The following GRM1 variants were observed in gnomAD, a reference collection of about 807,000 sequenced individuals.
GRM1 encodes glutamate metabotropic receptor 1, also known as metabotropic glutamate receptor 1.
In GRM1, 33 loss-of-function variants were observed where a neutral mutation model predicts 90.9. That is an observed-to-expected ratio of 0.36 (90% CI 0.28 to 0.49). The LOEUF is 0.49. Among genes scored for constraint, GRM1 ranks in the 20% least tolerant of loss-of-function variants. The pLI is 0.99. For missense variants in GRM1, 1,190 were observed against 1,534.3 expected (o/e 0.78, Z 3.75); for synonymous variants, 700 against 613.2 (o/e 1.14, Z -2.09).
At chr6:146,325,581 A>G (rs1784374230) in intron 3 of GRM1, among the ~76,000 whole-genome samples, 1 of 152,184 alleles carries the variant, frequency 6.6e-6, no homozygotes, top group South Asian at 2.1e-4. Flanking sequence ...TTCCAAGTCT[A>G]CATGTGCAGA....
intron 5 of GRM1, among the ~76,000 whole-genome samples, chr6:146,382,929 T>C (rs1776369644): frequency 6.6e-6 from 1 of 152,098 alleles, no homozygotes; most frequent in Admixed American, 6.6e-5. Flanking sequence ...CATCTTACTC[T>C]GGAGTGAGAA....
intron 1 of GRM1, among the ~76,000 whole-genome samples, chr6:146,044,507 C>G (rs186727868): frequency 3.5e-4 from 53 of 151,964 alleles, no homozygotes; most frequent in Admixed American, 1.8e-3. Flanking sequence ...ACTTGGGAAA[C>G]CGAGCTTGAT....
At chr6:146,336,115 G>C (rs941901) in intron 3 of GRM1, among the ~76,000 whole-genome samples, 57,475 of 152,050 alleles carry the variant, frequency 0.38, 15,007 homozygotes, top group African/African-American at 0.75. Flanking sequence ...GTCTCTATAG[G>C]AGCTTAAGAA....
rs747570115 is a variant in GRM1, at chr6:146,029,994, G to C, written c.477G>C (p.Val159=). 2 of 1,614,166 alleles carry C rather than the reference G, an allele frequency of 1.2e-6. No individual in the cohort carries two copies. The highest frequency in any genetic ancestry group is 1.7e-6 in the Non-Finnish European group (2 of 1,180,036). ...GGACTAAGAAGCCCATTGCGGGAGTGATCGGTCCCGGCTCCAGCTCTGTAG... is the reference window on the plus strand; with the variant it reads ...GGACTAAGAAGCCCATTGCGGGAGTCATCGGTCCCGGCTCCAGCTCTGTAG... ...PGRTKKPIAG[V]IGPGSSSVAI... is the part of the protein sequence containing the mutation. The change falls in exon 1 of 8, where the codon GTG becomes GTC. Residue 159 remains valine (V), a synonymous_variant. Transcript: ENST00000282753.
In GRM1 at chr6:146,386,598, A is replaced by G. The variant is rs181116187; in HGVS notation, c.1603-292A>G. Among the ~76,000 whole-genome samples, 3 of 152,168 alleles carry G rather than the reference A, an allele frequency of 2.0e-5. No homozygotes were observed. The East Asian group carries it at 5.8e-4, about 29-fold the overall frequency. On this transcript the variant is annotated intron_variant, in intron 5 of 7. Coordinates refer to ENST00000282753, the MANE Select transcript of GRM1 (RefSeq NM_001278064.2). Reference sequence around the variant, plus strand: ...AAATATTAATATAAACAAGGATTAAATTAAACTGTTTCATTTTTAACTCTG... The same window carrying G: ...AAATATTAATATAAACAAGGATTAAGTTAAACTGTTTCATTTTTAACTCTG...
intron 1 of GRM1, among the ~76,000 whole-genome samples, chr6:146,082,289 G>A (rs189703650): frequency 1.3e-5 from 2 of 152,162 alleles, no homozygotes; most frequent in Admixed American, 1.3e-4. Context: ...CCATGTGGCT[G>A]GGATTACAGG....
chr6:146,090,756 G>A (rs1004478714), intron 1 of GRM1, among the ~76,000 whole-genome samples: 1 of 151,980 alleles, frequency 6.6e-6, no homozygotes, highest in African/African-American at 2.4e-5. Context: ...TCCAAACCCA[G>A]GTGGCTTAAG....
At chr6:146,176,923 T>TAC (rs1778359275) in intron 2 of GRM1, among the ~76,000 whole-genome samples, 1 of 152,112 alleles carries the variant, frequency 6.6e-6, no homozygotes, top group Admixed American at 6.5e-5. Flanking sequence ...TCTAAAGTGA[T>TAC]ACCAATATTA....
intron 3 of GRM1, among the ~76,000 whole-genome samples, chr6:146,351,369 T>C (rs1319769282): frequency 6.6e-6 from 1 of 152,240 alleles, no homozygotes; most frequent in East Asian, 1.9e-4. Flanking sequence ...ATTATGCCAG[T>C]GATGTTTTCC....
chr6:146,128,218 T>C (rs1335710832), intron 1 of GRM1, among the ~76,000 whole-genome samples: 2 of 152,144 alleles, frequency 1.3e-5, no homozygotes, highest in Admixed American at 6.5e-5. Context: ...GGTCTATGTC[T>C]CAATGGAGGA....
At chr6:146,235,411 G>A (rs914139321) in intron 2 of GRM1, among the ~76,000 whole-genome samples, 1 of 152,014 alleles carries the variant, frequency 6.6e-6, no homozygotes, top group African/African-American at 2.4e-5. Context: ...GCTCATTCCT[G>A]TTGTTAGTCT....
At chr6:146,074,214 T>C (rs1323636719) in intron 1 of GRM1, among the ~76,000 whole-genome samples, 2 of 152,152 alleles carry the variant, frequency 1.3e-5, no homozygotes, top group Non-Finnish European at 2.9e-5. Context: ...CTTCTCCTCC[T>C]CCCTAGCATG....
intron 3 of GRM1, among the ~76,000 whole-genome samples, chr6:146,329,500 T>C (rs1784513423): frequency 6.6e-6 from 1 of 152,106 alleles, no homozygotes; most frequent in Non-Finnish European, 1.5e-5. Flanking sequence ...TTGGATATCA[T>C]GAAAGCAATG....
In GRM1 at chr6:146,399,551, A is replaced by G; in HGVS notation, c.2512A>G (p.Ile838Val). 1 of 1,614,120 alleles carries G rather than the reference A, an allele frequency of 6.2e-7. No homozygotes were observed. Among genetic ancestry groups the G allele is most frequent in the South Asian group, 1.1e-5 (1 of 91,078 alleles). Residue 838 changes from isoleucine to valine, a missense_variant, in exon 7 of 8, where the codon ATT becomes GTT. Ile to Val is a conservative substitution (Grantham distance 29, BLOSUM62 3). Transcript: ENST00000282753. The surrounding 1 kb of genome is among the most constrained non-coding windows in gnomAD (Gnocchi z 5.4). ...CATGTTCACTCCCAAGATGTACATC[A>G]TTATTGCCAAGCCTGAGAGGAATGT... ...GCMFTPKMYIIIAKPERNVRS... is the reference protein window; with the variant it reads ...GCMFTPKMYIVIAKPERNVRS...
chr6:146,341,702 A>C (rs1185092107), intron 3 of GRM1, among the ~76,000 whole-genome samples: 1 of 152,188 alleles, frequency 6.6e-6, no homozygotes, highest in African/African-American at 2.4e-5. Flanking sequence ...AGAGATGCTA[A>C]ACTCCGTATG....
intron 2 of GRM1, among the ~76,000 whole-genome samples, chr6:146,258,932 T>C (rs1415727618): frequency 6.6e-6 from 1 of 152,106 alleles, no homozygotes; most frequent in Non-Finnish European, 1.5e-5. Context: ...TAGATATACA[T>C]TTGCTGAACA....
At chr6:146,348,764 G>C (rs1785270568) in intron 3 of GRM1, among the ~76,000 whole-genome samples, 1 of 152,226 alleles carries the variant, frequency 6.6e-6, no homozygotes, top group South Asian at 2.1e-4. Flanking sequence ...TGATCCCAGA[G>C]AGAAGTCCTA....
chr6:146,434,491 G>T lies in GRM1; in HGVS notation c.3280G>T (p.Ala1094Ser). 1 of 1,614,012 alleles carries T rather than the reference G, an allele frequency of 6.2e-7. No homozygotes were observed. The highest frequency in any genetic ancestry group is 8.5e-7 in the Non-Finnish European group (1 of 1,179,982). Residue 1094 changes from alanine (A) to serine (S), a missense_variant, in exon 8 of 8, where the codon GCG becomes TCG. Physicochemically the swap from Ala to Ser is moderately conservative, Grantham distance 99 (BLOSUM62 1). Around this residue, in one of 10 missense-constraint regions of GRM1, gnomAD observed 400 missense variants for 360.8 expected, o/e 1.11. Transcript: ENST00000282753. ...TGGGGAGGAGCTGGTCTCCCCGCCC[G>T]CGGACGACGACGACGACAGCGAGAG... ...TFGEELVSPP[A>S]DDDDDSERFK...
chr6:146,164,560 C>T (rs531267343), intron 2 of GRM1, among the ~76,000 whole-genome samples: 10 of 152,120 alleles, frequency 6.6e-5, no homozygotes, highest in Non-Finnish European at 1.5e-4. Flanking sequence ...TGATGCTCTT[C>T]AATCAGCCTG....
Sources: allele counts gnomAD v4.1 joint callset (sites outside exome capture counted in the v4.1 genomes callset), GRCh38; gene constraint gnomAD v4.1.1; regional missense constraint gnomAD v4.1.1; non-coding constraint Gnocchi (gnomAD v3.1); transcripts MANE v1.5; gene names NCBI Gene and HGNC (gene_info 2026-07-23, HGNC 2026-07-21).